The following TNS4 variants were observed in gnomAD, a reference collection of about 807,000 sequenced individuals.
The protein encoded by TNS4 is tensin 4.
A neutral mutation model predicts 70.4 loss-of-function variants in TNS4; 46 were observed. The observed-to-expected ratio is 0.65, with a 90% CI of 0.52 to 0.84. TNS4 has a LOEUF of 0.84. Ranked by LOEUF, TNS4 falls within the 40% of genes least tolerant of loss-of-function variation. The pLI, the probability that TNS4 is intolerant of heterozygous loss-of-function variation, is 0.00. For synonymous variants in TNS4, 390 were observed against 366.6 expected (o/e 1.06, Z -0.73); for missense variants, 863 against 907.0 (o/e 0.95, Z 0.62).
chr17:40,487,323 G>A lies in TNS4; in HGVS notation c.1001C>T (p.Ala334Val), dbSNP rs775091404. 25 of 1,614,204 alleles carry A rather than the reference G, an allele frequency of 1.5e-5. No homozygotes were observed. The highest frequency in any genetic ancestry group is 2.1e-5 in the Non-Finnish European group (25 of 1,180,042). Reference sequence around the variant, plus strand: ...CATGGTTAGGGTGGGGTTTCTGGGAGCCTGGAAGTCACTGGGTCTTGTACA... The same window carrying A: ...CATGGTTAGGGTGGGGTTTCTGGGAACCTGGAAGTCACTGGGTCTTGTACA... ...SLCTRPSDFQ[A>V]PRNPTLTMGQ... Residue 334 changes from alanine to valine, a missense_variant, in exon 4 of 13, where the codon GCT becomes GTT. Coordinates refer to ENST00000254051, the MANE Select transcript of TNS4 (RefSeq NM_032865.6).
rs2035859348 is a variant in TNS4, at chr17:40,477,294, T to A, written c.*294A>T. The A allele has an allele frequency of 2.8e-6, 1 of 354,380 alleles. No homozygotes were observed. Among genetic ancestry groups the A allele is most frequent in the Admixed American group, 4.3e-5 (1 of 23,458 alleles). The allele number at this position is 354,380 out of a possible 1,614,324, so 22.0% of individuals were successfully genotyped here. A position where few individuals can be genotyped will look rare whatever the true frequency, so the allele number is the denominator to read the frequency against. ...TTTCATGCAGGGGTCTTCAGAGGTGTGCATGCTTCAGAATCATGGAGGAGC... is the reference window on the plus strand; with the variant it reads ...TTTCATGCAGGGGTCTTCAGAGGTGAGCATGCTTCAGAATCATGGAGGAGC... On this transcript the variant is annotated 3_prime_UTR_variant, in exon 13 of 13. Coordinates refer to ENST00000254051, the MANE Select transcript of TNS4 (RefSeq NM_032865.6).
At chr17:40,499,695 C>T (rs2036188790) in intron 1 of TNS4, among the ~76,000 whole-genome samples, 1 of 152,252 alleles carries the variant, frequency 6.6e-6, no homozygotes, top group Non-Finnish European at 1.5e-5. Context: ...AGGGAGCCGG[C>T]CTCTGCGCTC....
rs923282316 is a variant in TNS4 at position 40,484,571 on chromosome 17, C to G, written c.1414G>C (p.Val472Leu). ...CGGTATGAAGAGCTGTCCCTTATGA[C>G]AAAAGCCCCTGGCTCCTCCTTCCTC... ...LLRKEEPGAF[V>L]IRDSSSYRGS... The change falls in exon 6 of 13, where the codon GTC becomes CTC. Residue 472 changes from valine (V) to leucine (L), a missense_variant. Coordinates refer to ENST00000254051, the MANE Select transcript of TNS4 (RefSeq NM_032865.6). The G allele has an allele frequency of 6.2e-7, 1 of 1,612,946 alleles. No individual in the cohort carries two copies. The highest frequency in any genetic ancestry group is 1.1e-5 in the South Asian group (1 of 91,080).
In TNS4 at chr17:40,477,417, G is replaced by C; in HGVS notation, c.*171C>G. 4 of 765,318 alleles carry C rather than the reference G, an allele frequency of 5.2e-6. No individual in the cohort carries two copies. Among genetic ancestry groups the C allele is most frequent in the Non-Finnish European group, 8.0e-6 (4 of 499,054 alleles). 47.4% of individuals were successfully genotyped at this position (765,318 alleles called of 1,614,324 possible). ...TGAGGCCCGGGGGGTCTGGATGATG[G>C]TGACTGCTGAAGGCCATAGCAGGTT... On this transcript the variant is annotated 3_prime_UTR_variant, in exon 13 of 13. Coordinates refer to ENST00000254051, the MANE Select transcript of TNS4 (RefSeq NM_032865.6).
chr17:40,492,297 C>G (rs1252816836), intron 2 of TNS4, among the ~76,000 whole-genome samples: 1 of 152,214 alleles, frequency 6.6e-6, no homozygotes, highest in Non-Finnish European at 1.5e-5. Context: ...CCCCGAGCCT[C>G]AGTTTCCTCA....
intron 3 of TNS4, 61 bp downstream of exon 3, chr17:40,488,485 G>A (rs959126072): frequency 4.3e-6 from 6 of 1,401,026 alleles, no homozygotes; most frequent in African/African-American, 1.4e-5. Context: ...GTGATTTTAG[G>A]GGGTGCATGC....
In TNS4 at chr17:40,481,869, G is replaced by C. The variant is rs141692422; in HGVS notation, c.1672+260C>G. 2.9e-3 allele frequency among the ~76,000 whole-genome samples: 440 copies of C among 152,312 alleles called. 2 individuals carry two copies. The highest frequency in any genetic ancestry group is 0.01 in the African/African-American group (417 of 41,568). ...ACATCCATTCTATGCCAGGCATTGC[G>C]CTAAGAGCCTTGCCCGGGCTATCTC... On this transcript the variant is annotated intron_variant, in intron 8 of 12. Coordinates refer to ENST00000254051, the MANE Select transcript of TNS4 (RefSeq NM_032865.6).
chr17:40,488,668 G>T lies in TNS4; in HGVS notation c.741C>A (p.Gly247=). The change falls in exon 3 of 13, where the codon GGC becomes GGA. Residue 247 remains glycine (G), a synonymous_variant. Coordinates refer to ENST00000254051, the MANE Select transcript of TNS4 (RefSeq NM_032865.6). ...GSKASSPHGL[G]SPLVASPRLE... ...GTCTTGGAGAAGCCACCAGCGGGGA[G>T]CCCAAACCATGGGGGCTCGAGGCCT... is the stretch of plus-strand genomic sequence containing the variant. 3.8e-6 allele frequency: 6 copies of T among 1,569,392 alleles called. No homozygotes were observed. The highest frequency in any genetic ancestry group is 2.3e-5 in the South Asian group (2 of 86,474).
intron 1 of TNS4, 24 bp from the exon 2 acceptor site, chr17:40,496,544 C>T (rs868425955): frequency 7.3e-6 from 8 of 1,090,954 alleles, no homozygotes; most frequent in Middle Eastern, 3.1e-4. Context: ...AGAGTGGGAA[C>T]GGAGTAATTT....
At chr17:40,484,160 A>G (rs2035961482) in intron 6 of TNS4, among the ~76,000 whole-genome samples, 2 of 152,228 alleles carry the variant, frequency 1.3e-5, no homozygotes, top group South Asian at 4.1e-4. Flanking sequence ...GGTTCCCTGG[A>G]AATGAATCCA....
At chr17:40,482,057 A>G (rs898938553) in intron 8 of TNS4, 72 bp downstream of exon 8, 2 of 1,537,108 alleles carry the variant, frequency 1.3e-6, no homozygotes, top group African/African-American at 2.7e-5. Flanking sequence ...ACAAGGTAGG[A>G]GTGAACCCCA....
intron 2 of TNS4, among the ~76,000 whole-genome samples, chr17:40,490,534 G>C (rs1298618735): frequency 6.6e-6 from 1 of 152,152 alleles, no homozygotes; most frequent in Non-Finnish European, 1.5e-5. Flanking sequence ...CACATGCACT[G>C]TTCCTCCCCA....
At position 40,476,531 on chromosome 17, in the gene TNS4, G is replaced by C. The variant is rs1004373377; in HGVS notation, c.*1057C>G. On this transcript the variant is annotated 3_prime_UTR_variant, in exon 13 of 13. Coordinates refer to ENST00000254051, the MANE Select transcript of TNS4 (RefSeq NM_032865.6). ...CCCCGCCGCCTAATATGCAACATTA[G>C]GGCAGCTACGATACCAGCTTTGGAA... The C allele has an allele frequency of 1.3e-5, 2 of 151,982 alleles. No individual in the cohort carries two copies. The highest frequency in any genetic ancestry group is 2.9e-5 in the Non-Finnish European group (2 of 68,036). The allele number at this position is 151,982 out of a possible 1,614,324, so 9.4% of individuals were successfully genotyped here. A position where few individuals can be genotyped will look rare whatever the true frequency, so the allele number is the denominator to read the frequency against.
At chr17:40,490,876 T>C (rs1038065021) in intron 2 of TNS4, among the ~76,000 whole-genome samples, 2 of 152,156 alleles carry the variant, frequency 1.3e-5, no homozygotes, top group African/African-American at 4.8e-5. Context: ...GTGATGAGGA[T>C]GAAATACAAT....
chr17:40,491,234 G>A (rs2036062555), intron 2 of TNS4, among the ~76,000 whole-genome samples: 1 of 152,220 alleles, frequency 6.6e-6, no homozygotes, highest in Admixed American at 6.5e-5. Context: ...TTGGAGAAGA[G>A]TGGGGATGGA....
chr17:40,500,365 G>A (rs2036196020), intron 1 of TNS4, among the ~76,000 whole-genome samples: 1 of 152,188 alleles, frequency 6.6e-6, no homozygotes, highest in Non-Finnish European at 1.5e-5. Context: ...TCTTACTCCT[G>A]TATTCCTGAA....
intron 5 of TNS4, 68 bp from the exon 6 acceptor site, chr17:40,484,677 G>C (rs1179820824): frequency 8.8e-6 from 14 of 1,593,680 alleles, no homozygotes; most frequent in Non-Finnish European, 1.1e-5. Context: ...GCCCCGTAGG[G>C]TCTTCACAGA....
At chr17:40,496,589 C>A in intron 1 of TNS4, 69 bp from the exon 2 acceptor site, 1 of 713,286 alleles carries the variant, frequency 1.4e-6, no homozygotes, top group South Asian at 2.0e-5. Context: ...ACCCTCCGTA[C>A]AAAGGCTAAG....
chr17:40,484,758 G>A, intron 5 of TNS4, 149 bp from the exon 6 acceptor site: 1 of 1,423,298 alleles, frequency 7.0e-7, no homozygotes. Flanking sequence ...CATTCTTGCT[G>A]TGGTTCCTAC....
Sources: allele counts gnomAD v4.1 joint callset (sites outside exome capture counted in the v4.1 genomes callset), GRCh38; gene constraint gnomAD v4.1.1; transcripts MANE v1.5; gene names NCBI Gene and HGNC (gene_info 2026-07-23, HGNC 2026-07-21).